The following LINGO2 variants were observed in gnomAD, a reference collection of about 807,000 sequenced individuals.
LINGO2 encodes the protein leucine rich repeat and Ig domain containing 2, also known as leucine-rich repeat and immunoglobulin-like domain-containing nogo receptor-interacting protein 2.
LINGO2 carries 14 observed loss-of-function variants against 30.6 expected under a neutral mutation model. That is an observed-to-expected ratio of 0.46 (90% CI 0.30 to 0.72). The LOEUF is 0.72. Ranked by LOEUF, LINGO2 falls within the 30% of genes least tolerant of loss-of-function variation. LINGO2 has a pLI of 0.07. For synonymous variants in LINGO2, 317 were observed against 288.5 expected (o/e 1.10, Z -1.00); for missense variants, 729 against 751.7 (o/e 0.97, Z 0.35).
At chr9:28,015,648 G>C (rs1822792106) in intron 4 of LINGO2, among the ~76,000 whole-genome samples, 1 of 152,072 alleles carries the variant, frequency 6.6e-6, no homozygotes, top group Non-Finnish European at 1.5e-5. Context: ...GTCCCTGAAA[G>C]GGTAATGATG....
At chr9:28,968,237 C>T in the LINGO2 span, among the ~76,000 whole-genome samples, 9 of 152,148 alleles carry the variant, frequency 5.9e-5, no homozygotes, top group South Asian at 2.1e-4. Context: ...ATAGACATGC[C>T]GAGTTTTTGC....
At position 28,309,194 on chromosome 9, in the gene LINGO2, G is replaced by A. The variant is rs199860373; in HGVS notation, c.-245-13828C>T. Among the ~76,000 whole-genome samples, 2,277 of 151,818 alleles carry A rather than the reference G, an allele frequency of 0.015. 125 individuals carry two copies. The East Asian group carries it at 0.18, about 12-fold the overall frequency. On this transcript the variant is annotated intron_variant, in intron 3 of 5. Transcript: ENST00000379992. ...GTTGGAAGCAACCCAAATGTCCAAC[G>A]AAGATAGACTGGATTAAGAAAATGT... is the stretch of plus-strand genomic sequence containing the variant.
At chr9:28,923,936 G>A in the LINGO2 span, among the ~76,000 whole-genome samples, 33 of 151,172 alleles carry the variant, frequency 2.2e-4, no homozygotes, top group South Asian at 5.6e-3. Flanking sequence ...TGATTTGGGG[G>A]AAAAGAGGTA....
chr9:29,027,549 G>C, the LINGO2 span, among the ~76,000 whole-genome samples: 1 of 152,078 alleles, frequency 6.6e-6, no homozygotes, highest in Admixed American at 6.6e-5. Context: ...TGTTGGCCAG[G>C]CTGGTCTTGA....
the LINGO2 span, among the ~76,000 whole-genome samples, chr9:28,980,135 C>A: frequency 8.0e-4 from 121 of 151,988 alleles, no homozygotes; most frequent in Non-Finnish European, 1.5e-3. Context: ...AATTAATGAC[C>A]TTTTTTCCTT....
the LINGO2 span, among the ~76,000 whole-genome samples, chr9:29,111,897 G>GTGTGTATATATACATATATTTATATATA: frequency 6.7e-6 from 1 of 149,968 alleles, no homozygotes; most frequent in Non-Finnish European, 1.5e-5. Flanking sequence ...ATTTATATAT[G>GTGTGTATATATACATATATTTATATATA]TGTGTATATA....
At chr9:28,211,091 T>C (rs758107985) in intron 4 of LINGO2, among the ~76,000 whole-genome samples, 21 of 151,706 alleles carry the variant, frequency 1.4e-4, no homozygotes, top group Non-Finnish European at 3.1e-4. Flanking sequence ...TCTTTGATCA[T>C]ACTGTACCTG....
At chr9:28,317,476 C>G (rs553512635) in intron 3 of LINGO2, among the ~76,000 whole-genome samples, 1 of 152,212 alleles carries the variant, frequency 6.6e-6, no homozygotes, top group East Asian at 1.9e-4. Context: ...CCTTTCAGAA[C>G]TTTCAGATCA....
chr9:28,239,114 C>A (rs1194999569), intron 4 of LINGO2, among the ~76,000 whole-genome samples: 1 of 151,916 alleles, frequency 6.6e-6, no homozygotes. Flanking sequence ...CCTGAGCAGA[C>A]CAATAACAAG....
intron 4 of LINGO2, among the ~76,000 whole-genome samples, chr9:28,128,026 C>T (rs767968919): frequency 6.6e-6 from 1 of 152,170 alleles, no homozygotes; most frequent in South Asian, 2.1e-4. Context: ...ATTTTTCTGT[C>T]CCAAATCTCC....
intron 2 of LINGO2, among the ~76,000 whole-genome samples, chr9:28,470,633 G>T (rs184178041): frequency 4.3e-4 from 66 of 152,192 alleles, no homozygotes; most frequent in African/African-American, 1.5e-3. Context: ...CACGAATGGG[G>T]TATGCAATCA....
At chr9:28,194,969 G>C (rs1264697968) in intron 4 of LINGO2, among the ~76,000 whole-genome samples, 2 of 151,762 alleles carry the variant, frequency 1.3e-5, no homozygotes, top group Non-Finnish European at 2.9e-5. Context: ...TAGTAGTAGA[G>C]GATTTAAGTC....
intron 2 of LINGO2, among the ~76,000 whole-genome samples, chr9:28,391,709 T>G (rs1044942429): frequency 7.9e-5 from 12 of 152,062 alleles, no homozygotes; most frequent in African/African-American, 2.9e-4. Context: ...TGATATGCCC[T>G]TAATTAAAGC....
intron 1 of LINGO2, among the ~76,000 whole-genome samples, chr9:28,629,021 A>G (rs1826813526): frequency 6.6e-6 from 1 of 152,068 alleles, no homozygotes; most frequent in Admixed American, 6.6e-5. Context: ...TTTATTGAAC[A>G]TTTATTATGT....
chr9:28,766,447 G>GA, the LINGO2 span, among the ~76,000 whole-genome samples: 69,359 of 144,488 alleles, frequency 0.48, 17,692 homozygotes, highest in Non-Finnish European at 0.58. Context: ...AAGATGTGAA[G>GA]AAAAAAAAAA....
At chr9:27,953,731 A>G (rs1405524526) in intron 5 of LINGO2, among the ~76,000 whole-genome samples, 1 of 151,926 alleles carries the variant, frequency 6.6e-6, no homozygotes, top group East Asian at 1.9e-4. Flanking sequence ...CTGATGTGTG[A>G]GTCAATTAAA....
chr9:28,853,348 A>C, the LINGO2 span, among the ~76,000 whole-genome samples: 876 of 152,168 alleles, frequency 5.8e-3, 13 homozygotes, highest in African/African-American at 0.02. Flanking sequence ...TTACTCACTG[A>C]ATCTTAAAGT....
At chr9:29,212,758 G>A in the LINGO2 span, among the ~76,000 whole-genome samples, 13 of 152,286 alleles carry the variant, frequency 8.5e-5, no homozygotes, top group African/African-American at 3.1e-4. Context: ...TCGCAGCTGG[G>A]CAGCGCCGCA....
the LINGO2 span, among the ~76,000 whole-genome samples, chr9:28,824,878 A>T: frequency 6.6e-6 from 1 of 152,188 alleles, no homozygotes; most frequent in East Asian, 1.9e-4. Flanking sequence ...ACTAACTTGT[A>T]GTATGACCTT....
Sources: gnomAD v4.1 joint callset for allele counts (sites outside exome capture counted in the v4.1 genomes callset) on GRCh38, gnomAD v4.1.1 for gene constraint, MANE v1.5 for transcripts, NCBI Gene and HGNC (gene_info 2026-07-23, HGNC 2026-07-21) for gene names.